Variants in AGTR1 observed in about 807,000 individuals in gnomAD.
AGTR1 encodes the protein type-1 angiotensin II receptor.
In AGTR1, 16 loss-of-function variants were observed where a neutral mutation model predicts 19.4. That is an observed-to-expected ratio of 0.82 (90% CI 0.56 to 1.25). The LOEUF is 1.25. Among genes scored for constraint, AGTR1 ranks in the 50% most tolerant of loss-of-function variants. AGTR1 has a pLI of 0.00. For missense variants in AGTR1, 373 were observed against 431.9 expected (o/e 0.86, Z 1.21); for synonymous variants, 153 against 154.9 (o/e 0.99, Z 0.09).
chr3:148,729,862 C>T (rs1372178632), intron 2 of AGTR1, among the ~76,000 whole-genome samples: 1 of 152,190 alleles, frequency 6.6e-6, no homozygotes, highest in Non-Finnish European at 1.5e-5. Flanking sequence ...TCAGCAGTGC[C>T]TTTCAGCCTC....
In AGTR1 at chr3:148,716,044, G is replaced by A. The variant is rs1195592836; in HGVS notation, c.-48+8017G>A. ...CAACAGTGGCACTTACCCCCAAACCGTATCCTATGGAAATGCCTTTTTAGC... is the reference window on the plus strand; with the variant it reads ...CAACAGTGGCACTTACCCCCAAACCATATCCTATGGAAATGCCTTTTTAGC... On this transcript the variant is annotated intron_variant, in intron 2 of 2. Transcript: ENST00000349243. The surrounding 1 kb of genome is among the most constrained non-coding windows in gnomAD (Gnocchi z 4.7). Among the ~76,000 whole-genome samples, 3 of 152,106 alleles carry A rather than the reference G, an allele frequency of 2.0e-5. No homozygotes were observed. The highest frequency in any genetic ancestry group is 2.9e-5 in the Non-Finnish European group (2 of 68,016).
chr3:148,707,540 T>A (rs1047955509), intron 1 of AGTR1, among the ~76,000 whole-genome samples: 5 of 152,214 alleles, frequency 3.3e-5, no homozygotes, highest in African/African-American at 9.6e-5. Context: ...TTATACTAAG[T>A]AATAGAATCA....
chr3:148,728,624 T>C (rs945272043), intron 2 of AGTR1, among the ~76,000 whole-genome samples: 2 of 152,194 alleles, frequency 1.3e-5, no homozygotes, highest in African/African-American at 4.8e-5. Context: ...CTTCAGGGAA[T>C]TTCTGTGTAT....
intron 2 of AGTR1, among the ~76,000 whole-genome samples, chr3:148,717,766 T>G (rs1713383630): frequency 6.6e-6 from 1 of 152,148 alleles, no homozygotes; most frequent in Admixed American, 6.6e-5. Flanking sequence ...CTTAATTACT[T>G]TAAATACAGT....
Position 148,716,810 on chromosome 3 carries a change from G to C in AGTR1, c.-48+8783G>C, listed in dbSNP as rs1049639672. Reference sequence around the variant, plus strand: ...GAATTTGAATAGTTTCTTAACCTTAGTTTTTTAACTGCTCTGAAAATGGTT... The same window carrying C: ...GAATTTGAATAGTTTCTTAACCTTACTTTTTTAACTGCTCTGAAAATGGTT... On this transcript the variant is annotated intron_variant, in intron 2 of 2. Coordinates refer to ENST00000349243, the MANE Select transcript of AGTR1 (RefSeq NM_000685.5). This position sits in a 1 kb window ranked among gnomAD's most constrained non-coding sequence, Gnocchi z 4.7. Among the ~76,000 whole-genome samples the C allele has an allele frequency of 1.3e-5, 2 of 152,020 alleles. No individual in the cohort carries two copies. Among genetic ancestry groups the C allele is most frequent in the Non-Finnish European group, 2.9e-5 (2 of 67,996 alleles).
At chr3:148,725,878 A>G (rs919337977) in intron 2 of AGTR1, among the ~76,000 whole-genome samples, 7 of 152,220 alleles carry the variant, frequency 4.6e-5, no homozygotes, top group African/African-American at 1.4e-4. Context: ...TTAAATTAAT[A>G]TTCCTTTTTA....
intron 2 of AGTR1, among the ~76,000 whole-genome samples, chr3:148,740,399 G>A (rs552339590): frequency 2.3e-4 from 35 of 152,298 alleles, no homozygotes; most frequent in Admixed American, 1.4e-3. Flanking sequence ...CCTCAAAGTC[G>A]AGCCCTACCT....
chr3:148,733,161 G>A lies in AGTR1; in HGVS notation c.-47-7828G>A, dbSNP rs112064111. Among the ~76,000 whole-genome samples the A allele has an allele frequency of 3.4e-3, 512 of 152,188 alleles. 1 individual carries two copies. Among genetic ancestry groups the A allele is most frequent in the African/African-American group, 0.012 (495 of 41,528 alleles). On this transcript the variant is annotated intron_variant, in intron 2 of 2. Coordinates refer to ENST00000349243, the MANE Select transcript of AGTR1 (RefSeq NM_000685.5). ...AAAGCTAAAATTAGAACCTCAGTCC[G>A]CTCCCACATTTTCCACCAATTTGCA... is the stretch of plus-strand genomic sequence containing the variant.
chr3:148,717,006 A>T (rs2107942133), intron 2 of AGTR1, among the ~76,000 whole-genome samples: 1 of 152,298 alleles, frequency 6.6e-6, no homozygotes, highest in South Asian at 2.1e-4. Context: ...TCCAACAATG[A>T]ATCATCTTTG....
At chr3:148,723,450 T>A (rs1295741165) in intron 2 of AGTR1, among the ~76,000 whole-genome samples, 1 of 152,250 alleles carries the variant, frequency 6.6e-6, no homozygotes, top group Non-Finnish European at 1.5e-5. Flanking sequence ...GATGACCTTT[T>A]GAACACAAGA....
chr3:148,708,509 G>A (rs770457934), intron 2 of AGTR1, among the ~76,000 whole-genome samples: 7 of 152,064 alleles, frequency 4.6e-5, no homozygotes, highest in Admixed American at 2.6e-4. Context: ...CAAATGTCTC[G>A]GAGTTTCATT....
At position 148,742,940 on chromosome 3, in the gene AGTR1, G is replaced by C. The variant is rs1242705633; in HGVS notation, c.*825G>C. ...ATATGTATATCTATATCTCTAAACT[G>C]CTGTTAATTGATTAAAATCTGGCAA... On this transcript the variant is annotated 3_prime_UTR_variant, in exon 3 of 3. Coordinates refer to ENST00000349243, the MANE Select transcript of AGTR1 (RefSeq NM_000685.5). The C allele has an allele frequency of 6.1e-6, 1 of 165,104 alleles. No individual in the cohort carries two copies. The highest frequency in any genetic ancestry group is 1.5e-5 in the Non-Finnish European group (1 of 68,016). The allele number at this position is 165,104 out of a possible 1,614,324, so 10.2% of individuals were successfully genotyped here. A position where few individuals can be genotyped will look rare whatever the true frequency, so the allele number is the denominator to read the frequency against.
At chr3:148,728,370 T>C (rs1281459079) in intron 2 of AGTR1, among the ~76,000 whole-genome samples, 1 of 152,218 alleles carries the variant, frequency 6.6e-6, no homozygotes, top group Non-Finnish European at 1.5e-5. Flanking sequence ...CTATTATAAG[T>C]CCTTTCTGTT....
intron 2 of AGTR1, among the ~76,000 whole-genome samples, chr3:148,712,435 A>G (rs938813353): frequency 2.0e-5 from 3 of 152,152 alleles, no homozygotes; most frequent in African/African-American, 7.2e-5. Flanking sequence ...ACCTCTAGGC[A>G]AGGCCAAAAT....
intron 2 of AGTR1, among the ~76,000 whole-genome samples, chr3:148,711,869 C>T (rs561936438): frequency 6.6e-6 from 1 of 152,194 alleles, no homozygotes; most frequent in African/African-American, 2.4e-5. Context: ...CTATCTCATC[C>T]TCCCAAGTAT....
At chr3:148,699,678 G>A (rs773975050) in intron 1 of AGTR1, among the ~76,000 whole-genome samples, 3 of 152,122 alleles carry the variant, frequency 2.0e-5, no homozygotes, top group Non-Finnish European at 4.4e-5. Flanking sequence ...TTTGGTTATT[G>A]CTTTAAAATA....
chr3:148,736,257 G>C (rs1020924082), intron 2 of AGTR1, among the ~76,000 whole-genome samples: 1 of 152,134 alleles, frequency 6.6e-6, no homozygotes, highest in South Asian at 2.1e-4. Context: ...AAATAAACGT[G>C]GTTTGGCCAC....
rs1713305544 is a variant in AGTR1 at position 148,716,424 on chromosome 3, T to C, written c.-48+8397T>C. On this transcript the variant is annotated intron_variant, in intron 2 of 2. Coordinates refer to ENST00000349243, the MANE Select transcript of AGTR1 (RefSeq NM_000685.5). This position sits in a 1 kb window ranked among gnomAD's most constrained non-coding sequence, Gnocchi z 4.7. ...AATTTCAGGTCCTAAGGCTGGTTAA[T>C]AGTACAAATACAGTTATTTATTTAT... 6.6e-6 allele frequency among the ~76,000 whole-genome samples: 1 copy of C among 151,520 alleles called. No homozygotes were observed. The highest frequency in any genetic ancestry group is 2.5e-5 in the African/African-American group (1 of 40,792).
At chr3:148,698,460 G>T (rs1350851956) in intron 1 of AGTR1, among the ~76,000 whole-genome samples, 2 of 152,206 alleles carry the variant, frequency 1.3e-5, no homozygotes, top group East Asian at 3.9e-4. Flanking sequence ...GAGGCTTTTA[G>T]TTAACTCTTG....
Sources: allele counts gnomAD v4.1 joint callset (sites outside exome capture counted in the v4.1 genomes callset), GRCh38; gene constraint gnomAD v4.1.1; non-coding constraint Gnocchi (gnomAD v3.1); transcripts MANE v1.5; gene names NCBI Gene and HGNC (gene_info 2026-07-23, HGNC 2026-07-21).